The following NAE1 variants were observed in gnomAD, a reference collection of about 807,000 sequenced individuals.
The protein encoded by NAE1 is NEDD8 activating enzyme E1 subunit 1, also known as NEDD8-activating enzyme E1 regulatory subunit.
NAE1 carries 59 observed loss-of-function variants against 88.0 expected under a neutral mutation model. The ratio of observed to expected loss-of-function variants is 0.67; its 90% CI spans 0.54 to 0.83. The LOEUF is 0.83. Ranked by LOEUF, NAE1 falls within the 40% of genes least tolerant of loss-of-function variation. NAE1 has a pLI of 0.00. For missense variants in NAE1, 554 were observed against 632.8 expected (o/e 0.88, Z 1.34); for synonymous variants, 186 against 208.9 (o/e 0.89, Z 0.95).
chr16:66,816,257 C>T (rs1424061838), intron 11 of NAE1, among the ~76,000 whole-genome samples: 1 of 152,188 alleles, frequency 6.6e-6, no homozygotes, highest in African/African-American at 2.4e-5. Flanking sequence ...CCTCTGCCTC[C>T]TGGGTTCAAG....
rs1960351486 is a variant in NAE1 at position 66,823,591 on chromosome 16, C to T, written c.259G>A (p.Glu87Lys). ...TCTTGTAAGAATTCCATGGCAGCTT[C>T]AGCTCGGTTCTTTTTAAAAACAAAG... is the stretch of plus-strand genomic sequence containing the variant. ...QRSSIGKNRA[E>K]AAMEFLQELN... Residue 87 changes from glutamate to lysine, a missense_variant, in exon 5 of 20, where the codon GAA (glutamate) becomes AAA (lysine). By Grantham distance (56) the Glu-to-Lys change is moderately conservative. Coordinates refer to ENST00000290810, the MANE Select transcript of NAE1 (RefSeq NM_003905.4). 2.1e-5 allele frequency: 33 copies of T among 1,590,000 alleles called. No homozygotes were observed. Among genetic ancestry groups the T allele is most frequent in the Middle Eastern group, 1.7e-4 (1 of 5,942 alleles).
chr16:66,809,142 C>T, intron 15 of NAE1, 67 bp from the exon 16 acceptor site: 1 of 1,235,966 alleles, frequency 8.1e-7, no homozygotes, highest in Non-Finnish European at 1.2e-6. Flanking sequence ...TCACAGGTGA[C>T]TTTAAGAACA....
intron 19 of NAE1, among the ~76,000 whole-genome samples, chr16:66,803,655 A>C (rs557731392): frequency 2.1e-4 from 31 of 150,892 alleles, no homozygotes; most frequent in African/African-American, 7.6e-4. Flanking sequence ...CAGTGGCGTG[A>C]TCTCGGCTCA....
chr16:66,823,145 A>G (rs1960335367), intron 6 of NAE1, 82 bp downstream of exon 6: 3 of 722,400 alleles, frequency 4.2e-6, no homozygotes, highest in Admixed American at 7.1e-5. Flanking sequence ...TTAAAACCAT[A>G]TCATCATAGA....
intron 1 of NAE1, among the ~76,000 whole-genome samples, chr16:66,829,780 C>A (rs1960617664): frequency 6.6e-6 from 1 of 152,216 alleles, no homozygotes; most frequent in Non-Finnish European, 1.5e-5. Context: ...TAGGCCTGCA[C>A]TGTCCATTAA....
At chr16:66,825,848 C>T (rs1960444004) in intron 3 of NAE1, among the ~76,000 whole-genome samples, 1 of 152,122 alleles carries the variant, frequency 6.6e-6, no homozygotes, top group Admixed American at 6.5e-5. Flanking sequence ...CTACTCTAAC[C>T]CACCAAGTAA....
At chr16:66,803,651 C>A (rs571340998) in intron 19 of NAE1, among the ~76,000 whole-genome samples, 31 of 151,218 alleles carry the variant, frequency 2.1e-4, no homozygotes, top group African/African-American at 7.5e-4. Flanking sequence ...AGTGCAGTGG[C>A]GTGATCTCGG....
intron 19 of NAE1, among the ~76,000 whole-genome samples, chr16:66,803,695 A>T (rs940268532): frequency 6.6e-6 from 1 of 151,514 alleles, no homozygotes; most frequent in Non-Finnish European, 1.5e-5. Context: ...AGTTCAAGTG[A>T]TTCTCTTGCC....
Position 66,806,190 on chromosome 16 carries a change from A to C in NAE1, c.1331-164T>G, listed in dbSNP as rs558060815. On this transcript the variant is annotated intron_variant, in intron 17 of 19. Transcript: ENST00000290810. Reference sequence around the variant, plus strand: ...ATATTTGCACATATCACAAACCTATAATCAGAGACCAACTAAAACCTAGTA... The same window carrying C: ...ATATTTGCACATATCACAAACCTATCATCAGAGACCAACTAAAACCTAGTA... 2.2e-5 allele frequency: 16 copies of C among 739,408 alleles called. No individual in the cohort carries two copies. The South Asian group carries it at 3.7e-4, about 17-fold the overall frequency. The allele number at this position is 739,408 out of a possible 1,614,324, so 45.8% of individuals were successfully genotyped here.
At chr16:66,821,065 G>A (rs988591376) in intron 7 of NAE1, among the ~76,000 whole-genome samples, 2 of 152,104 alleles carry the variant, frequency 1.3e-5, no homozygotes, top group African/African-American at 4.8e-5. Flanking sequence ...GCGAAACTCT[G>A]TCTTAAAAAA....
chr16:66,806,008 A>G lies in NAE1; in HGVS notation c.1349T>C (p.Val450Ala), dbSNP rs1223302706. 2 of 1,610,850 alleles carry G rather than the reference A, an allele frequency of 1.2e-6. No individual in the cohort carries two copies. The highest frequency in any genetic ancestry group is 1.1e-5 in the South Asian group (1 of 90,010). Residue 450 changes from valine (V) to alanine (A), a missense_variant, in exon 18 of 20, where the codon GTT (valine) becomes GCT (alanine). Transcript: ENST00000290810. ...GRYPGVSNYQ[V>A]EEDIGKLKSC... Reference sequence around the variant, plus strand: ...CTTCAACTTTCCTATATCTTCTTCAACTTGATAGTTAGATACTCCTAAAAA... The same window carrying G: ...CTTCAACTTTCCTATATCTTCTTCAGCTTGATAGTTAGATACTCCTAAAAA...
At chr16:66,804,242 CA>C (rs58574660) in intron 19 of NAE1, among the ~76,000 whole-genome samples, 31 of 140,970 alleles carry the variant, frequency 2.2e-4, no homozygotes, top group Non-Finnish European at 3.0e-4. Context: ...AAGTAAAAAA[CA>C]AAAAAAAAAA....
intron 8 of NAE1, 113 bp from the exon 9 acceptor site, chr16:66,817,600 G>T: frequency 1.5e-6 from 1 of 689,374 alleles, no homozygotes; most frequent in Non-Finnish European, 2.3e-6. Flanking sequence ...ATGCAGAGTA[G>T]TGAATAGACG....
chr16:66,805,034 C>G (rs779789844), intron 19 of NAE1, among the ~76,000 whole-genome samples: 1 of 152,100 alleles, frequency 6.6e-6, no homozygotes, highest in African/African-American at 2.4e-5. Flanking sequence ...GTAAAGGGAG[C>G]TTTTATGAAA....
chr16:66,813,511 T>C, intron 13 of NAE1, 53 bp downstream of exon 13: 1 of 1,528,806 alleles, frequency 6.5e-7, no homozygotes, highest in South Asian at 1.2e-5. Context: ...AAAATGTTTA[T>C]CTCTAATATA....
Position 66,823,308 on chromosome 16 carries a change from T to C in NAE1, c.322-2A>G, listed in dbSNP as rs1225305861. 1 of 1,591,816 alleles carries C rather than the reference T, an allele frequency of 6.3e-7. No individual in the cohort carries two copies. ...ATTGTCTAGAAGGTTTTCTGGACTC[T>C]AAACAGGACAGCAAAGAAAAAAACA... On this transcript the variant is annotated splice_acceptor_variant, in intron 5 of 19. Transcript: ENST00000290810. LOFTEE classifies it high-confidence loss of function.
intron 1 of NAE1, chr16:66,827,668 A>C (rs1163664140): frequency 3.3e-6 from 1 of 305,584 alleles, no homozygotes; most frequent in Non-Finnish European, 6.0e-6. Context: ...AAGCTTTACC[A>C]AGAAAACTGA....
At chr16:66,823,627 G>C in intron 4 of NAE1, 27 bp from the exon 5 acceptor site, 1 of 1,571,706 alleles carries the variant, frequency 6.4e-7, no homozygotes, top group African/African-American at 1.4e-5. Flanking sequence ...CATTTAACTT[G>C]AATTAGAAAA....
At position 66,826,690 on chromosome 16, in the gene NAE1, G is replaced by A. The variant is rs1960476529; in HGVS notation, c.144C>T (p.Asn48=). 5.6e-6 allele frequency: 9 copies of A among 1,614,074 alleles called. No homozygotes were observed. The highest frequency in any genetic ancestry group is 7.6e-6 in the Non-Finnish European group (9 of 1,180,006). ...ATATGTEILK[N]LVLPGIGSFT... is the part of the protein sequence containing the mutation. ...AACCTACGTTACCTGGTAGTACCAAGTTTTTAAGAATTTCAGTTCCTGTGG... is the reference window on the plus strand; with the variant it reads ...AACCTACGTTACCTGGTAGTACCAAATTTTTAAGAATTTCAGTTCCTGTGG... The change falls in exon 2 of 20, where the codon AAC becomes AAT. Residue 48 remains asparagine (N), a synonymous_variant. Transcript: ENST00000290810.
Sources: allele counts gnomAD v4.1 joint callset (sites outside exome capture counted in the v4.1 genomes callset), GRCh38; gene constraint gnomAD v4.1.1; transcripts MANE v1.5; gene names NCBI Gene and HGNC (gene_info 2026-07-23, HGNC 2026-07-21).